Variants in IMPG1 observed in about 807,000 individuals in gnomAD.
IMPG1 encodes the protein interphotoreceptor matrix proteoglycan 1.
IMPG1 carries 85 observed loss-of-function variants against 92.0 expected under a neutral mutation model. The ratio of observed to expected loss-of-function variants is 0.92; its 90% confidence interval spans 0.78 to 1.11. The LOEUF (loss-of-function observed/expected upper bound fraction) is 1.11. Ranked by LOEUF, IMPG1 falls within the 50% of genes least tolerant of loss-of-function variation. The pLI is 0.00. For missense variants in IMPG1, 1,022 were observed against 956.0 expected (o/e 1.07, Z -0.91); for synonymous variants, 367 against 334.1 (o/e 1.10, Z -1.08).
At position 76,022,136 on chromosome 6, in the gene IMPG1, C is replaced by G. The variant is rs145167884; in HGVS notation, c.646G>C (p.Asp216His). 1 of 1,586,408 alleles carries G rather than the reference C, an allele frequency of 6.3e-7. No individual in the cohort carries two copies. Among genetic ancestry groups the G allele is most frequent in the Admixed American group, 1.7e-5 (1 of 59,432 alleles). Residue 216 changes from aspartate to histidine, a missense_variant, in exon 6 of 17, where the codon GAC becomes CAC. This residue lies in a region of IMPG1 where 681 missense variants were observed against 583.6 expected (regional missense o/e 1.17). Transcript: ENST00000369950. The part of the protein sequence containing the change: ...LNEILDNTLN[D>H]TKMPTTERET... Reference sequence around the variant, plus strand: ...CTTACTGTTGTAGGCATCTTGGTGTCGTTGAGTGTATTATCGAGAATTTCA... The same window carrying G: ...CTTACTGTTGTAGGCATCTTGGTGTGGTTGAGTGTATTATCGAGAATTTCA...
At chr6:76,044,339 AG>A (rs978340569) in intron 1 of IMPG1, among the ~76,000 whole-genome samples, 1 of 152,200 alleles carries the variant, frequency 6.6e-6, no homozygotes, top group Admixed American at 6.5e-5. Flanking sequence ...TGGAAGAAAA[AG>A]CTGCCTCATT....
At chr6:76,071,309 C>G in intron 1 of IMPG1, among the ~76,000 whole-genome samples, 1 of 150,316 alleles carries the variant, frequency 6.7e-6, no homozygotes, top group African/African-American at 2.4e-5. Flanking sequence ...TTGATCAAGT[C>G]TACGAAATAG....
intron 12 of IMPG1, among the ~76,000 whole-genome samples, chr6:75,977,602 CA>C (rs1281620793): frequency 1.5e-4 from 21 of 141,358 alleles, no homozygotes; most frequent in South Asian, 1.4e-3. Flanking sequence ...AAAAAAAAAA[CA>C]AAAAAAAACC....
intron 12 of IMPG1, among the ~76,000 whole-genome samples, chr6:75,968,228 G>A (rs925212317): frequency 7.2e-5 from 11 of 152,106 alleles, no homozygotes; most frequent in African/African-American, 2.4e-4. Flanking sequence ...TCTATCTACT[G>A]TTAAAATGTG....
chr6:76,016,898 G>T (rs1783298746), intron 7 of IMPG1, among the ~76,000 whole-genome samples: 1 of 152,176 alleles, frequency 6.6e-6, no homozygotes, highest in African/African-American at 2.4e-5. Context: ...GTGATGAGTG[G>T]GGTGAATGAA....
chr6:76,035,277 C>T (rs559406874), intron 2 of IMPG1, among the ~76,000 whole-genome samples: 15 of 151,732 alleles, frequency 9.9e-5, no homozygotes, highest in East Asian at 1.9e-4. Context: ...CTGAGGTGGG[C>T]GGATCACCTG....
At chr6:75,972,176 C>G (rs1782431918) in intron 12 of IMPG1, among the ~76,000 whole-genome samples, 2 of 152,016 alleles carry the variant, frequency 1.3e-5, no homozygotes, top group Non-Finnish European at 2.9e-5. Flanking sequence ...CAGTACTGTC[C>G]TGCATATTAT....
In IMPG1 at chr6:75,973,300, G is replaced by A. The variant is rs375891909; in HGVS notation, c.1292-22206C>T. Among the ~76,000 whole-genome samples, 53 of 124,900 alleles carry A rather than the reference G, an allele frequency of 4.2e-4. 1 individual carries two copies. Among genetic ancestry groups the A allele is most frequent in the African/African-American group, 1.5e-3 (49 of 33,636 alleles). The allele number at this position is 124,900 out of a possible 152,430, so 81.9% of individuals were successfully genotyped here. ...TGGCTGCAATCCTACTTTCCCCCCC[G>A]CCCAAAACTGATCTTTCTGTATATC... On this transcript the variant is annotated intron_variant, in intron 12 of 16. Transcript: ENST00000369950.
intron 1 of IMPG1, among the ~76,000 whole-genome samples, chr6:76,061,004 C>G (rs1465843157): frequency 6.6e-6 from 1 of 151,958 alleles, no homozygotes; most frequent in Non-Finnish European, 1.5e-5. Flanking sequence ...TATAGAGAAT[C>G]TGAATTTCCA....
At chr6:76,009,269 C>T (rs565714609) in intron 8 of IMPG1, among the ~76,000 whole-genome samples, 6 of 152,154 alleles carry the variant, frequency 3.9e-5, no homozygotes, top group Non-Finnish European at 8.8e-5. Flanking sequence ...TTAAAGTGGC[C>T]CTTTCATTGT....
chr6:76,045,037 A>G (rs1783913598), intron 1 of IMPG1, among the ~76,000 whole-genome samples: 1 of 152,156 alleles, frequency 6.6e-6, no homozygotes, highest in Admixed American at 6.5e-5. Flanking sequence ...CATGTCAGCA[A>G]GTACACACAG....
chr6:75,922,133 CG>C lies in IMPG1; in HGVS notation c.2349del (p.Val784Ter). On this transcript the variant is annotated frameshift_variant, in exon 17 of 17. Coordinates refer to ENST00000369950, the MANE Select transcript of IMPG1 (RefSeq NM_001563.4). LOFTEE classifies it high-confidence loss of function. Reference sequence around the variant, plus strand: ...TGATGGTTAAATTCTTCATATTCTACGGTCAGTAATTCAGAATTTCTTTTAC... The same window carrying C: ...TGATGGTTAAATTCTTCATATTCTACGTCAGTAATTCAGAATTTCTTTTAC... ...VISKRNSELL[T>X]VEYEEFNHQD... 1 of 1,410,140 alleles carries C rather than the reference CG, an allele frequency of 7.1e-7. No homozygotes were observed. The highest frequency in any genetic ancestry group is 9.9e-7 in the Non-Finnish European group (1 of 1,005,508). 87.4% of individuals were successfully genotyped at this position (1,410,140 alleles called of 1,614,324 possible).
chr6:75,987,887 T>G (rs185231290), intron 12 of IMPG1, among the ~76,000 whole-genome samples: 77 of 152,308 alleles, frequency 5.1e-4, no homozygotes, highest in Middle Eastern at 6.8e-3. Flanking sequence ...GACCTCGTGA[T>G]CCACCCACCT....
Position 76,015,800 on chromosome 6 carries a change from C to CAA in IMPG1, c.807+2916_807+2917dup, listed in dbSNP as rs35389302. 8.5e-3 allele frequency among the ~76,000 whole-genome samples: 563 copies of CAA among 66,568 alleles called. 5 individuals are homozygous for CAA. The highest frequency in any genetic ancestry group is 9.1e-3 in the Admixed American group (45 of 4,938). 43.7% of individuals were successfully genotyped at this position (66,568 alleles called of 152,430 possible). A position where few individuals can be genotyped will look rare whatever the true frequency, so the allele number is the denominator to read the frequency against. ...GGGCAACAAGAGTTAAACTCTGTCT[C>CAA]AAAAAAAAAAAAAAAAAAAAAAAAG... On this transcript the variant is annotated intron_variant, in intron 7 of 16. Transcript: ENST00000369950.
intron 1 of IMPG1, among the ~76,000 whole-genome samples, chr6:76,054,219 G>T (rs900778747): frequency 2.6e-5 from 4 of 152,048 alleles, no homozygotes; most frequent in African/African-American, 9.7e-5. Flanking sequence ...TGAGAAAATA[G>T]ATGTTACTGT....
At chr6:76,047,609 C>T (rs1263240661) in intron 1 of IMPG1, among the ~76,000 whole-genome samples, 4 of 152,130 alleles carry the variant, frequency 2.6e-5, no homozygotes, top group Non-Finnish European at 5.9e-5. Flanking sequence ...TCTTGCCCTC[C>T]CCTCTCCAGT....
intron 12 of IMPG1, among the ~76,000 whole-genome samples, chr6:75,977,313 C>T (rs962668079): frequency 4.6e-5 from 7 of 151,874 alleles, no homozygotes; most frequent in Non-Finnish European, 8.8e-5. Flanking sequence ...AGCCGCCAGG[C>T]GCGGTGGCTC....
At chr6:76,051,315 C>A (rs1407895032) in intron 1 of IMPG1, among the ~76,000 whole-genome samples, 1 of 152,154 alleles carries the variant, frequency 6.6e-6, no homozygotes, top group Non-Finnish European at 1.5e-5. Flanking sequence ...GCTTAACATA[C>A]CTGAATATGT....
rs769638626 is a variant in IMPG1 at position 75,947,521 on chromosome 6, G to C, written c.1837C>G (p.Leu613Val). The C allele has an allele frequency of 5.6e-6, 9 of 1,612,608 alleles. No individual in the cohort carries two copies. The highest frequency in any genetic ancestry group is 7.6e-6 in the Non-Finnish European group (9 of 1,179,054). ...QQFTQLLVPY[L>V]RSNLTGFKQL... Reference sequence around the variant, plus strand: ...TTAAATCCTGTAAGATTGGATCGTAGATATGGAACCAGCTGCAAAATAAAA... The same window carrying C: ...TTAAATCCTGTAAGATTGGATCGTACATATGGAACCAGCTGCAAAATAAAA... Residue 613 changes from leucine to valine, a missense_variant, in exon 14 of 17, where the codon CTA (leucine) becomes GTA (valine). By Grantham distance (32) the Leu-to-Val change is conservative (BLOSUM62 1). This residue lies in a region of IMPG1 where 332 missense variants were observed against 346.2 expected (regional missense o/e 0.96). Coordinates refer to ENST00000369950, the MANE Select transcript of IMPG1 (RefSeq NM_001563.4).
Sources: allele counts gnomAD v4.1 joint callset (sites outside exome capture counted in the v4.1 genomes callset), GRCh38; gene constraint gnomAD v4.1.1; regional missense constraint gnomAD v4.1.1; transcripts MANE v1.5; gene names NCBI Gene and HGNC (gene_info 2026-07-23, HGNC 2026-07-21).